CDC14C: variants seen among roughly 807,000 people sequenced by gnomAD.
CDC14C encodes dual specificity protein phosphatase CDC14C.
Under a neutral mutation model 26.9 loss-of-function variants are expected in CDC14C, and 19 were observed. The observed-to-expected ratio is 0.71, with a 90% CI of 0.49 to 1.04. The LOEUF (loss-of-function observed/expected upper bound fraction) is 1.04, where lower values mean the gene tolerates loss of function less well. Among genes scored for constraint, CDC14C ranks in the 50% least tolerant of loss-of-function variants. The pLI, the probability that CDC14C is intolerant of heterozygous loss-of-function variation, is 0.00. For synonymous variants in CDC14C, 185 were observed against 180.1 expected, an observed-to-expected ratio of 1.03 and a Z score of -0.22; for missense variants, 423 against 520.0, an observed-to-expected ratio of 0.81 and a Z score of 1.81.
At position 48,926,740 on chromosome 7, in the gene CDC14C, C is replaced by T. The variant is rs1386567189; in HGVS notation, c.*724C>T. 6.6e-6 allele frequency among the ~76,000 whole-genome samples: 1 copy of T among 151,866 alleles called. No individual in the cohort carries two copies. Among genetic ancestry groups the T allele is most frequent in the East Asian group, 1.9e-4 (1 of 5,160 alleles). ...GGGCCATTATGAACATGTTACAGTGCTGCAGAGATTTTATTTATGGCCAGT... is the reference window on the plus strand; with the variant it reads ...GGGCCATTATGAACATGTTACAGTGTTGCAGAGATTTTATTTATGGCCAGT... On this transcript the variant is annotated 3_prime_UTR_variant, in exon 1 of 1. Coordinates refer to ENST00000650262, the MANE Select transcript of CDC14C (RefSeq NM_152627.3).
At position 48,925,560 on chromosome 7, in the gene CDC14C, C is replaced by T. The variant is rs758354462; in HGVS notation, c.888C>T (p.Ala296=). The T allele has an allele frequency of 4.1e-5, 63 of 1,544,752 alleles. No individual in the cohort carries two copies. Among genetic ancestry groups the T allele is most frequent in the Non-Finnish European group, 3.4e-5 (38 of 1,116,866 alleles). ...AGLGRTGTLI[A]CYIMKHYRMT... ...TTGGTCGCACAGGCACTCTGATAGC[C>T]TGCTACATCATGAAGCATTACAGGA... Residue 296 remains alanine, a synonymous_variant, in exon 1 of 1, where the codon GCC becomes GCT. Transcript: ENST00000650262.
chr7:48,927,053 TA>T lies in CDC14C; in HGVS notation c.*1040del, dbSNP rs1798903290. On this transcript the variant is annotated 3_prime_UTR_variant, in exon 1 of 1. Coordinates refer to ENST00000650262, the MANE Select transcript of CDC14C (RefSeq NM_152627.3). ...GCTTGTGACCCTGTGTCAAAATTTG[TA>T]AAGATACAAAAGGCATTACTGAAAT... Among the ~76,000 whole-genome samples the T allele has an allele frequency of 6.6e-6, 1 of 152,238 alleles. No individual in the cohort carries two copies. The highest frequency in any genetic ancestry group is 2.4e-5 in the African/African-American group (1 of 41,470).
rs756523955 is a variant in CDC14C, at chr7:48,924,692, A to C, written c.20A>C (p.Gln7Pro). The change falls in exon 1 of 1, where the codon CAG becomes CCG. Residue 7 changes from glutamine to proline, a missense_variant. Gln to Pro is a moderately conservative substitution (Grantham distance 76). Around this residue, in one of 3 missense-constraint regions of CDC14C, gnomAD observed 310 missense variants for 356.8 expected, o/e 0.87. Coordinates refer to ENST00000650262, the MANE Select transcript of CDC14C (RefSeq NM_152627.3). Reference sequence around the variant, plus strand: ...AAGAAGATGCGCAGCTCCACGCTGCAGGACCCGCGCCGCCGGGACCCCCAG... The same window carrying C: ...AAGAAGATGCGCAGCTCCACGCTGCCGGACCCGCGCCGCCGGGACCCCCAG... MRSSTL[Q>P]DPRRRDPQDD... is the part of the protein sequence containing the mutation. 5 of 1,180,594 alleles carry C rather than the reference A, an allele frequency of 4.2e-6. No individual in the cohort carries two copies. Among genetic ancestry groups the C allele is most frequent in the Non-Finnish European group, 6.4e-6 (5 of 784,774 alleles). 73.1% of individuals were successfully genotyped at this position (1,180,594 alleles called of 1,614,324 possible).
At position 48,925,601 on chromosome 7, in the gene CDC14C, C is replaced by T. The variant is rs763519423; in HGVS notation, c.929C>T (p.Thr310Ile). ...CATTACAGGATGACAGCAGCCGAGACCATTGCGTGGGTAAGGATCTGCAGA... is the reference window on the plus strand; with the variant it reads ...CATTACAGGATGACAGCAGCCGAGATCATTGCGTGGGTAAGGATCTGCAGA... ...MKHYRMTAAE[T>I]IAWVRICRPG... The change falls in exon 1 of 1, where the codon ACC becomes ATC. Residue 310 changes from threonine to isoleucine, a missense_variant. Coordinates refer to ENST00000650262, the MANE Select transcript of CDC14C (RefSeq NM_152627.3). The T allele has an allele frequency of 1.3e-6, 2 of 1,542,410 alleles. No homozygotes were observed. The highest frequency in any genetic ancestry group is 1.8e-6 in the Non-Finnish European group (2 of 1,114,590).
rs759598609 is a variant in CDC14C, at chr7:48,924,709, G to T, written c.37G>T (p.Asp13Tyr). The T allele has an allele frequency of 1.2e-5, 15 of 1,272,092 alleles. No individual in the cohort carries two copies. Among genetic ancestry groups the T allele is most frequent in the South Asian group, 2.4e-5 (2 of 84,142 alleles). The allele number at this position is 1,272,092 out of a possible 1,614,324, so 78.8% of individuals were successfully genotyped here. A position where few individuals can be genotyped will look rare whatever the true frequency, so the allele number is the denominator to read the frequency against. The change falls in exon 1 of 1, where the codon GAC becomes TAC. Residue 13 changes from aspartate to tyrosine, a missense_variant. Asp to Tyr is a radical substitution (Grantham distance 160). Around this residue, in one of 3 missense-constraint regions of CDC14C, gnomAD observed 310 missense variants for 356.8 expected, o/e 0.87. Transcript: ENST00000650262. ...CACGCTGCAGGACCCGCGCCGCCGGGACCCCCAGGACGACGTGTACGTGGA... is the reference window on the plus strand; with the variant it reads ...CACGCTGCAGGACCCGCGCCGCCGGTACCCCCAGGACGACGTGTACGTGGA... ...SSTLQDPRRRDPQDDVYVDIT... is the reference protein window; with the variant it reads ...SSTLQDPRRRYPQDDVYVDIT...
rs545769023 is a variant in CDC14C at position 48,924,687 on chromosome 7, G to C, written c.15G>C (p.Thr5=). Reference sequence around the variant, plus strand: ...GTGTGAAGAAGATGCGCAGCTCCACGCTGCAGGACCCGCGCCGCCGGGACC... The same window carrying C: ...GTGTGAAGAAGATGCGCAGCTCCACCCTGCAGGACCCGCGCCGCCGGGACC... MRSS[T]LQDPRRRDPQ... Residue 5 remains threonine (T), a synonymous_variant, in exon 1 of 1, where the codon ACG becomes ACC. Coordinates refer to ENST00000650262, the MANE Select transcript of CDC14C (RefSeq NM_152627.3). 21 of 1,164,068 alleles carry C rather than the reference G, an allele frequency of 1.8e-5. No homozygotes were observed. The highest frequency in any genetic ancestry group is 2.7e-5 in the Non-Finnish European group (21 of 769,990). 72.1% of individuals were successfully genotyped at this position (1,164,068 alleles called of 1,614,324 possible). A position where few individuals can be genotyped will look rare whatever the true frequency, so the allele number is the denominator to read the frequency against.
Position 48,927,221 on chromosome 7 carries a change from A to G in CDC14C, c.*1205A>G, listed in dbSNP as rs1420569222. ...GCTTTATTAACAAGAATCTGTGAAAACCACATTTTAAACACTGTTGCATGT... is the reference window on the plus strand; with the variant it reads ...GCTTTATTAACAAGAATCTGTGAAAGCCACATTTTAAACACTGTTGCATGT... On this transcript the variant is annotated 3_prime_UTR_variant, in exon 1 of 1. Transcript: ENST00000650262. Among the ~76,000 whole-genome samples, 1 of 65,804 alleles carries G rather than the reference A, an allele frequency of 1.5e-5. No individual in the cohort carries two copies. Among genetic ancestry groups the G allele is most frequent in the Non-Finnish European group, 3.5e-5 (1 of 28,858 alleles). The allele number at this position is 65,804 out of a possible 152,430, so 43.2% of individuals were successfully genotyped here.
In CDC14C at chr7:48,927,194, G is replaced by A. The variant is rs1285374510; in HGVS notation, c.*1178G>A. ...CAAGCTGCTTGTCTTCTACCAAAGA[G>A]TGCTTTATTAACAAGAATCTGTGAA... On this transcript the variant is annotated 3_prime_UTR_variant, in exon 1 of 1. Transcript: ENST00000650262. 6.8e-6 allele frequency among the ~76,000 whole-genome samples: 1 copy of A among 147,890 alleles called. No homozygotes were observed. Among genetic ancestry groups the A allele is most frequent in the African/African-American group, 2.5e-5 (1 of 39,640 alleles).
In CDC14C at chr7:48,924,810, A is replaced by G. The variant is rs991332520; in HGVS notation, c.138A>G (p.Ile46Met). 1.5e-6 allele frequency: 2 copies of G among 1,345,740 alleles called. No homozygotes were observed. The highest frequency in any genetic ancestry group is 2.1e-6 in the Non-Finnish European group (2 of 935,148). 83.4% of individuals were successfully genotyped at this position (1,345,740 alleles called of 1,614,324 possible). A position where few individuals can be genotyped will look rare whatever the true frequency, so the allele number is the denominator to read the frequency against. The change falls in exon 1 of 1, where the codon ATA becomes ATG. Residue 46 changes from isoleucine to methionine, a missense_variant. Physicochemically the swap from Ile to Met is conservative, Grantham distance 10. Transcript: ENST00000650262. ...KSASNVHYFS[I>M]DNELEYENFS... is the part of the protein sequence containing the mutation. ...CATCAAATGTACATTATTTCAGCAT[A>G]GATAATGAACTCGAATATGAGAACT...
Position 48,925,797 on chromosome 7 carries a change from C to G in CDC14C, c.1125C>G (p.Val375=), listed in dbSNP as rs780478630. 3.4e-6 allele frequency: 3 copies of G among 894,526 alleles called. No individual in the cohort carries two copies. The highest frequency in any genetic ancestry group is 5.7e-6 in the Non-Finnish European group (3 of 522,622). The allele number at this position is 894,526 out of a possible 1,614,324, so 55.4% of individuals were successfully genotyped here. ...TTGATGACATTTCCATAAATGGGGT[C>G]GAGAATCAAGACCAGCAAGAACCCA... ...SGVDDISING[V]ENQDQQEPKP... The change falls in exon 1 of 1, where the codon GTC becomes GTG. Residue 375 remains valine, a synonymous_variant. Coordinates refer to ENST00000650262, the MANE Select transcript of CDC14C (RefSeq NM_152627.3).
In CDC14C at chr7:48,925,874, G is replaced by A. The variant is rs1188513166; in HGVS notation, c.1202G>A (p.Ser401Asn). ...AATGGAGTGACACAAGGTGATAGAA[G>A]TCGGGCCCTGAAAAGGCGAAGACAA... ...EINGVTQGDR[S>N]RALKRRRQSK... is the part of the protein sequence containing the mutation. Residue 401 changes from serine (S) to asparagine (N), a missense_variant, in exon 1 of 1, where the codon AGT becomes AAT. Ser to Asn is a conservative substitution (Grantham distance 46). This residue lies in a region of CDC14C where 91 missense variants were observed against 94.2 expected (regional missense o/e 0.97). Transcript: ENST00000650262. The A allele has an allele frequency of 2.5e-6, 2 of 809,312 alleles. No individual in the cohort carries two copies. The highest frequency in any genetic ancestry group is 3.4e-5 in the African/African-American group (2 of 59,492). 50.1% of individuals were successfully genotyped at this position (809,312 alleles called of 1,614,324 possible). A position where few individuals can be genotyped will look rare whatever the true frequency, so the allele number is the denominator to read the frequency against.
Position 48,926,705 on chromosome 7 carries a change from G to A in CDC14C, c.*689G>A, listed in dbSNP as rs1332026704. On this transcript the variant is annotated 3_prime_UTR_variant, in exon 1 of 1. Coordinates refer to ENST00000650262, the MANE Select transcript of CDC14C (RefSeq NM_152627.3). ...TCCGGTAAACCCACACCCTTCCAGC[G>A]TGGGCATTAGGGCCATTATGAACAT... Among the ~76,000 whole-genome samples the A allele has an allele frequency of 3.3e-5, 5 of 151,926 alleles. No homozygotes were observed. Among genetic ancestry groups the A allele is most frequent in the Admixed American group, 1.3e-4 (2 of 15,272 alleles).
At position 48,924,793 on chromosome 7, in the gene CDC14C, G is replaced by C. The variant is rs1310876658; in HGVS notation, c.121G>C (p.Val41Leu). 1 of 1,363,734 alleles carries C rather than the reference G, an allele frequency of 7.3e-7. No individual in the cohort carries two copies. Among genetic ancestry groups the C allele is most frequent in the Non-Finnish European group, 1.1e-6 (1 of 951,614 alleles). 84.5% of individuals were successfully genotyped at this position (1,363,734 alleles called of 1,614,324 possible). ...CAGCAGACCAAAGAGTGCATCAAATGTACATTATTTCAGCATAGATAATGA... is the reference window on the plus strand; with the variant it reads ...CAGCAGACCAAAGAGTGCATCAAATCTACATTATTTCAGCATAGATAATGA... ...LYSRPKSASN[V>L]HYFSIDNELE... is the part of the protein sequence containing the mutation. The change falls in exon 1 of 1, where the codon GTA becomes CTA. Residue 41 changes from valine (V) to leucine (L), a missense_variant. Val to Leu is a conservative substitution (Grantham distance 32). This residue lies in a region of CDC14C where 310 missense variants were observed against 356.8 expected (regional missense o/e 0.87). Coordinates refer to ENST00000650262, the MANE Select transcript of CDC14C (RefSeq NM_152627.3).
At position 48,924,884 on chromosome 7, in the gene CDC14C, G is replaced by C; in HGVS notation, c.212G>C (p.Cys71Ser). 6.9e-7 allele frequency: 1 copy of C among 1,458,826 alleles called. No homozygotes were observed. The highest frequency in any genetic ancestry group is 1.1e-5 in the South Asian group (1 of 87,870). The allele number at this position is 1,458,826 out of a possible 1,614,324, so 90.4% of individuals were successfully genotyped here. A position where few individuals can be genotyped will look rare whatever the true frequency, so the allele number is the denominator to read the frequency against. The change falls in exon 1 of 1, where the codon TGT becomes TCT. Residue 71 changes from cysteine (C) to serine (S), a missense_variant. This residue lies in a region of CDC14C where 310 missense variants were observed against 356.8 expected (regional missense o/e 0.87). Coordinates refer to ENST00000650262, the MANE Select transcript of CDC14C (RefSeq NM_152627.3). ...AATCTGGCAATGGTTTACAGATATT[G>C]TTGCAAGATAAATAAGAAATTAAAG... ...PLNLAMVYRYCCKINKKLKSI... is the reference protein window; with the variant it reads ...PLNLAMVYRYSCKINKKLKSI...
rs1727739012 is a variant in CDC14C, at chr7:48,926,694, A to C, written c.*678A>C. On this transcript the variant is annotated 3_prime_UTR_variant, in exon 1 of 1. Coordinates refer to ENST00000650262, the MANE Select transcript of CDC14C (RefSeq NM_152627.3). ...CTTGCCCTCATTCCGGTAAACCCACACCCTTCCAGCGTGGGCATTAGGGCC... is the reference window on the plus strand; with the variant it reads ...CTTGCCCTCATTCCGGTAAACCCACCCCCTTCCAGCGTGGGCATTAGGGCC... Among the ~76,000 whole-genome samples, 2 of 151,690 alleles carry C rather than the reference A, an allele frequency of 1.3e-5. No individual in the cohort carries two copies. The highest frequency in any genetic ancestry group is 4.2e-4 in the South Asian group (2 of 4,790).
rs1187216658 is a variant in CDC14C at position 48,924,619 on chromosome 7, G to T, written c.-54G>T. 4 of 975,490 alleles carry T rather than the reference G, an allele frequency of 4.1e-6. No individual in the cohort carries two copies. The African/African-American group carries it at 6.5e-5, about 16-fold the overall frequency. 60.4% of individuals were successfully genotyped at this position (975,490 alleles called of 1,614,324 possible). A position where few individuals can be genotyped will look rare whatever the true frequency, so the allele number is the denominator to read the frequency against. On this transcript the variant is annotated 5_prime_UTR_variant, in exon 1 of 1. Coordinates refer to ENST00000650262, the MANE Select transcript of CDC14C (RefSeq NM_152627.3). ...AAGCAAGGGGCGGTCGAGCTGGGCC[G>T]CCGCGCCCCACTGCTCGCCGCGCTG...
rs754297239 is a variant in CDC14C at position 48,926,058 on chromosome 7, C to T, written c.*42C>T. ...CATAGTAGCCATCAGGACCCCCTGA[C>T]AGATAGCTGCTTCTCTCCATTTCAA... On this transcript the variant is annotated 3_prime_UTR_variant, in exon 1 of 1. Coordinates refer to ENST00000650262, the MANE Select transcript of CDC14C (RefSeq NM_152627.3). 2 of 731,718 alleles carry T rather than the reference C, an allele frequency of 2.7e-6. No individual in the cohort carries two copies. Among genetic ancestry groups the T allele is most frequent in the Non-Finnish European group, 5.1e-6 (2 of 391,546 alleles). The allele number at this position is 731,718 out of a possible 1,614,324, so 45.3% of individuals were successfully genotyped here.
At position 48,926,552 on chromosome 7, in the gene CDC14C, G is replaced by A. The variant is rs1303290398; in HGVS notation, c.*536G>A. On this transcript the variant is annotated 3_prime_UTR_variant, in exon 1 of 1. Coordinates refer to ENST00000650262, the MANE Select transcript of CDC14C (RefSeq NM_152627.3). ...TGGGCCTAATTAAAGGCATAGGTTG[G>A]GCTAGTTAACTGCGGCAGGAGCACG... 1.3e-5 allele frequency among the ~76,000 whole-genome samples: 2 copies of A among 152,084 alleles called. No homozygotes were observed. The highest frequency in any genetic ancestry group is 2.4e-5 in the African/African-American group (1 of 41,420).
chr7:48,925,700 A>T lies in CDC14C; in HGVS notation c.1028A>T (p.Tyr343Phe), dbSNP rs746268104. Reference protein sequence around the residue: ...KQTSLWLEGDYFRQRLKGQEN... With the variant: ...KQTSLWLEGDFFRQRLKGQEN... ...ACAAGCCTCTGGCTGGAAGGGGACT[A>T]TTTTCGTCAGAGGTTAAAGGGGCAG... The change falls in exon 1 of 1, where the codon TAT becomes TTT. Residue 343 changes from tyrosine (Y) to phenylalanine (F), a missense_variant. Coordinates refer to ENST00000650262, the MANE Select transcript of CDC14C (RefSeq NM_152627.3). 1.6e-6 allele frequency: 2 copies of T among 1,266,140 alleles called. No homozygotes were observed. Among genetic ancestry groups the T allele is most frequent in the South Asian group, 1.2e-5 (1 of 83,936 alleles). 78.4% of individuals were successfully genotyped at this position (1,266,140 alleles called of 1,614,324 possible). A position where few individuals can be genotyped will look rare whatever the true frequency, so the allele number is the denominator to read the frequency against.
Sources: allele counts gnomAD v4.1 joint callset (sites outside exome capture counted in the v4.1 genomes callset), GRCh38; gene constraint gnomAD v4.1.1; regional missense constraint gnomAD v4.1.1; transcripts MANE v1.5; gene names NCBI Gene and HGNC (gene_info 2026-07-23, HGNC 2026-07-21).